The following ADIPOQ variants were observed in gnomAD, a reference collection of about 807,000 sequenced individuals.
ADIPOQ encodes adiponectin, C1Q and collagen domain containing.
ADIPOQ carries 19 observed loss-of-function variants against 16.1 expected under a neutral mutation model. That is an observed-to-expected ratio of 1.18 (90% CI 0.82 to 1.73). The LOEUF is 1.73. Among genes scored for constraint, ADIPOQ ranks in the 40% most tolerant of loss-of-function variants. The pLI is 0.00. For synonymous variants in ADIPOQ, 124 were observed against 125.5 expected (o/e 0.99, Z 0.08); for missense variants, 323 against 308.3 (o/e 1.05, Z -0.36).
In ADIPOQ at chr3:186,854,844, T is replaced by G; in HGVS notation, c.*140T>G. On this transcript the variant is annotated 3_prime_UTR_variant, in exon 3 of 3. Transcript: ENST00000320741. ...TTCATTTACTCATTCATTTATTCAT[T>G]CATTCATCGAGTAACTTTAAAAAAA... The G allele has an allele frequency of 6.3e-6, 8 of 1,261,330 alleles. No individual in the cohort carries two copies. The highest frequency in any genetic ancestry group is 9.0e-6 in the Non-Finnish European group (8 of 893,456). 78.1% of individuals were successfully genotyped at this position (1,261,330 alleles called of 1,614,324 possible).
intron 1 of ADIPOQ, 120 bp downstream of exon 1, chr3:186,842,869 G>C (rs1225801550): frequency 6.6e-6 from 1 of 152,318 alleles, no homozygotes; most frequent in African/African-American, 2.4e-5. Flanking sequence ...GGATACTCTG[G>C]TCAGAGCAGC....
Position 186,854,367 on chromosome 3 carries a change from C to T in ADIPOQ, c.398C>T (p.Thr133Ile). 6.2e-7 allele frequency: 1 copy of T among 1,614,220 alleles called. No individual in the cohort carries two copies. Among genetic ancestry groups the T allele is most frequent in the Non-Finnish European group, 8.5e-7 (1 of 1,180,036 alleles). The change falls in exon 3 of 3, where the codon ACC becomes ATC. Residue 133 changes from threonine (T) to isoleucine (I), a missense_variant. Thr to Ile is a moderately conservative substitution (Grantham distance 89). Transcript: ENST00000320741. ...VTIPNMPIRF[T>I]KIFYNQQNHY... ...ATCCCCAACATGCCCATTCGCTTTA[C>T]CAAGATCTTCTACAATCAGCAAAAC...
At chr3:186,845,202 G>A (rs1231257620) in intron 1 of ADIPOQ, among the ~76,000 whole-genome samples, 1 of 151,950 alleles carries the variant, frequency 6.6e-6, no homozygotes, top group Non-Finnish European at 1.5e-5. Flanking sequence ...GCGGGTATGT[G>A]TGTGTGTTGG....
At chr3:186,852,300 CA>C (rs1233680584) in intron 1 of ADIPOQ, 1 of 152,496 alleles carries the variant, frequency 6.6e-6, no homozygotes, top group African/African-American at 2.4e-5. Context: ...CTTCTTGAAA[CA>C]GATGACATCC....
At chr3:186,847,684 G>A (rs1260841012) in intron 1 of ADIPOQ, among the ~76,000 whole-genome samples, 1 of 152,134 alleles carries the variant, frequency 6.6e-6, no homozygotes, top group Non-Finnish European at 1.5e-5. Flanking sequence ...CACATAACCA[G>A]AGTTGAGACT....
At chr3:186,843,505 C>T (rs957126008) in intron 1 of ADIPOQ, among the ~76,000 whole-genome samples, 2 of 151,730 alleles carry the variant, frequency 1.3e-5, no homozygotes, top group Non-Finnish European at 2.9e-5. Context: ...ACCAAAAATA[C>T]AAAAATTAGT....
rs757780327 is a variant in ADIPOQ at position 186,854,570 on chromosome 3, G to C, written c.601G>C (p.Val201Leu). 1.1e-5 allele frequency: 18 copies of C among 1,614,072 alleles called. No individual in the cohort carries two copies. The highest frequency in any genetic ancestry group is 1.5e-5 in the Non-Finnish European group (18 of 1,179,912). The change falls in exon 3 of 3, where the codon GTG becomes CTG. Residue 201 changes from valine to leucine, a missense_variant. Transcript: ENST00000320741. Reference sequence around the variant, plus strand: ...TAATGTGGACCAGGCCTCCGGCTCTGTGCTCCTGCATCTGGAGGTGGGCGA... The same window carrying C: ...TAATGTGGACCAGGCCTCCGGCTCTCTGCTCCTGCATCTGGAGGTGGGCGA... ...ENNVDQASGS[V>L]LLHLEVGDQV...
intron 2 of ADIPOQ, 81 bp downstream of exon 2, chr3:186,853,353 G>A (rs920796075): frequency 1.4e-6 from 2 of 1,478,044 alleles, no homozygotes; most frequent in South Asian, 1.2e-5. Context: ...ATTAACTAAG[G>A]CCTAGACACA....
chr3:186,846,783 A>C (rs867832845), intron 1 of ADIPOQ, among the ~76,000 whole-genome samples: 1 of 152,210 alleles, frequency 6.6e-6, no homozygotes, highest in African/African-American at 2.4e-5. Flanking sequence ...ATCCCCTGGT[A>C]TAATTTTAAA....
In ADIPOQ at chr3:186,854,784, T is replaced by A; in HGVS notation, c.*80T>A. On this transcript the variant is annotated 3_prime_UTR_variant, in exon 3 of 3. Coordinates refer to ENST00000320741, the MANE Select transcript of ADIPOQ (RefSeq NM_004797.4). ...GCTTTCAGTACGGTTAGGAAGTTGA[T>A]TATTATTTAGTTGGAGGCCTTTAGA... 6.4e-7 allele frequency: 1 copy of A among 1,551,420 alleles called. No individual in the cohort carries two copies. Among genetic ancestry groups the A allele is most frequent in the African/African-American group, 1.4e-5 (1 of 73,650 alleles).
chr3:186,848,201 AGAAGGAAGGAAG>A (rs373987417), intron 1 of ADIPOQ, among the ~76,000 whole-genome samples: 1 of 132,524 alleles, frequency 7.5e-6, no homozygotes, highest in Non-Finnish European at 1.6e-5. Context: ...GAGAGAGAAA[AGAAGGAAGGAAG>A]GAAGGAAGGA....
At chr3:186,850,404 TAC>T (rs1181144980) in intron 1 of ADIPOQ, among the ~76,000 whole-genome samples, 1 of 152,102 alleles carries the variant, frequency 6.6e-6, no homozygotes, top group East Asian at 1.9e-4. Context: ...TGCCCTTTTA[TAC>T]ACACACTAAT....
At chr3:186,844,903 AC>A (rs1448944380) in intron 1 of ADIPOQ, among the ~76,000 whole-genome samples, 1 of 152,172 alleles carries the variant, frequency 6.6e-6, no homozygotes, top group East Asian at 1.9e-4. Flanking sequence ...TCCCAGACAT[AC>A]GGCTAAAGTC....
chr3:186,852,689 C>T (rs760799581), intron 1 of ADIPOQ: 3 of 250,486 alleles, frequency 1.2e-5, no homozygotes, highest in Admixed American at 4.9e-5. Context: ...TGTCATCGTA[C>T]TTGGGAAACC....
Position 186,857,046 on chromosome 3 carries a change from C to T in ADIPOQ, c.*2342C>T, listed in dbSNP as rs200710189. ...CAGTATAGTTCTAGGGTTTCCCTCC[C>T]GATATCAAAAAGACTGTGGCCTGCC... On this transcript the variant is annotated 3_prime_UTR_variant, in exon 3 of 3. Coordinates refer to ENST00000320741, the MANE Select transcript of ADIPOQ (RefSeq NM_004797.4). The T allele has an allele frequency of 6.6e-5, 10 of 152,206 alleles. No individual in the cohort carries two copies. In the South Asian group the frequency reaches 8.3e-4, roughly 13 times the overall value. 9.4% of individuals were successfully genotyped at this position (152,206 alleles called of 1,614,324 possible).
At chr3:186,853,762 G>C (rs1711873968) in intron 2 of ADIPOQ, 2 of 222,116 alleles carry the variant, frequency 9.0e-6, no homozygotes, top group Non-Finnish European at 8.9e-6. Context: ...ATGGAGCATA[G>C]AGAAAATATA....
rs766715892 is a variant in ADIPOQ at position 186,853,078 on chromosome 3, T to C, written c.20T>C (p.Val7Ala). The change falls in exon 2 of 3, where the codon GTT becomes GCT. Residue 7 changes from valine (V) to alanine (A), a missense_variant. Val to Ala is a moderately conservative substitution (Grantham distance 64). Transcript: ENST00000320741. ...CTCAGGATGCTGTTGCTGGGAGCTGTTCTACTGCTATTAGCTCTGCCCGGT... is the reference window on the plus strand; with the variant it reads ...CTCAGGATGCTGTTGCTGGGAGCTGCTCTACTGCTATTAGCTCTGCCCGGT... MLLLGA[V>A]LLLLALPGHD... 1.2e-6 allele frequency: 2 copies of C among 1,614,160 alleles called. No homozygotes were observed. The highest frequency in any genetic ancestry group is 2.2e-5 in the South Asian group (2 of 91,076).
chr3:186,844,343 C>T (rs752846482), intron 1 of ADIPOQ, among the ~76,000 whole-genome samples: 52 of 152,126 alleles, frequency 3.4e-4, no homozygotes, highest in Non-Finnish European at 6.6e-4. Flanking sequence ...AGATGGGGTT[C>T]ACCATATTGG....
At chr3:186,854,079 T>A (rs1711886568) in intron 2 of ADIPOQ, 105 bp from the exon 3 acceptor site, 1 of 1,246,884 alleles carries the variant, frequency 8.0e-7, no homozygotes, top group African/African-American at 1.5e-5. Flanking sequence ...GATCTATAAG[T>A]CAAGAAGGTT....
Sources: gnomAD v4.1 joint callset for allele counts (sites outside exome capture counted in the v4.1 genomes callset) on GRCh38, gnomAD v4.1.1 for gene constraint, MANE v1.5 for transcripts, NCBI Gene and HGNC (gene_info 2026-07-23, HGNC 2026-07-21) for gene names.